The following STIM1 variants were observed in gnomAD, a reference collection of about 807,000 sequenced individuals.
STIM1 encodes stromal interaction molecule 1.
In STIM1, 25 loss-of-function variants were observed where a neutral mutation model predicts 74.7. That is an observed-to-expected ratio of 0.33 (90% CI 0.24 to 0.47). The LOEUF (loss-of-function observed/expected upper bound fraction) is 0.47. Ranked by LOEUF, STIM1 falls within the 20% of genes least tolerant of loss-of-function variation. The pLI, the probability that STIM1 is intolerant of heterozygous loss-of-function variation, is 1.00. For synonymous variants in STIM1, 328 were observed against 348.8 expected (o/e 0.94, Z 0.66); for missense variants, 728 against 920.8 (o/e 0.79, Z 2.71).
In STIM1 at chr11:3,855,831, T is replaced by G; in HGVS notation, c.-440T>G. The stretch of plus-strand genomic sequence containing the variant: ...CTGCGGGTCGCACGCCCTCCCCAGC[T>G]TCTGCTGCTCGCCGCTCTTCGGCAG... On this transcript the variant is annotated 5_prime_UTR_variant, in exon 1 of 13. Coordinates refer to ENST00000526596, the MANE Select transcript of STIM1 (RefSeq NM_001382567.1). 4.9e-6 allele frequency: 1 copy of G among 202,684 alleles called. No individual in the cohort carries two copies. Among genetic ancestry groups the G allele is most frequent in the Non-Finnish European group, 1.0e-5 (1 of 96,376 alleles). The allele number at this position is 202,684 out of a possible 1,614,324, so 12.6% of individuals were successfully genotyped here.
intron 6 of STIM1, among the ~76,000 whole-genome samples, chr11:4,072,107 T>C (rs2094407453): frequency 6.6e-6 from 1 of 152,158 alleles, no homozygotes; most frequent in Non-Finnish European, 1.5e-5. Flanking sequence ...CAGGAGACAT[T>C]CCAAGTTTGG....
At chr11:4,018,705 C>G (rs1016662410) in intron 2 of STIM1, among the ~76,000 whole-genome samples, 1 of 150,728 alleles carries the variant, frequency 6.6e-6, no homozygotes, top group Admixed American at 6.6e-5. Context: ...CCTGTGGCTT[C>G]TTTGAGTTCA....
At chr11:3,887,947 G>C (rs1431124914) in intron 1 of STIM1, 2 of 146,556 alleles carry the variant, frequency 1.4e-5, no homozygotes, top group African/African-American at 5.1e-5. Flanking sequence ...TCCAGCCTGG[G>C]TGACAGAGTG....
intron 3 of STIM1, among the ~76,000 whole-genome samples, chr11:4,050,413 A>T (rs934168838): frequency 2.0e-5 from 3 of 152,186 alleles, no homozygotes; most frequent in Admixed American, 6.5e-5. Flanking sequence ...TGATCCTGTT[A>T]TACTACATTA....
intron 5 of STIM1, among the ~76,000 whole-genome samples, chr11:4,059,883 G>A (rs1822286): frequency 0.038 from 5,727 of 152,190 alleles, 256 homozygotes; most frequent in East Asian, 0.19. Flanking sequence ...GTATGCTCAG[G>A]GATAGAAGTA....
At chr11:3,981,301 A>G (rs2093502886) in intron 2 of STIM1, among the ~76,000 whole-genome samples, 1 of 152,096 alleles carries the variant, frequency 6.6e-6, no homozygotes, top group African/African-American at 2.4e-5. Flanking sequence ...CTTGGCATGA[A>G]CCTTATGTTT....
At chr11:3,931,442 C>T (rs766594468) in intron 1 of STIM1, among the ~76,000 whole-genome samples, 1 of 152,136 alleles carries the variant, frequency 6.6e-6, no homozygotes, top group Non-Finnish European at 1.5e-5. Flanking sequence ...TCCTTGGTAA[C>T]CAGGGTGCTA....
At chr11:3,896,702 A>C (rs2092189601) in intron 1 of STIM1, among the ~76,000 whole-genome samples, 2 of 152,162 alleles carry the variant, frequency 1.3e-5, no homozygotes, top group Non-Finnish European at 2.9e-5. Flanking sequence ...TGGTGGGGGA[A>C]ATTGTCAGAG....
At chr11:3,958,314 C>T (rs2093242435) in intron 1 of STIM1, among the ~76,000 whole-genome samples, 1 of 152,114 alleles carries the variant, frequency 6.6e-6, no homozygotes, top group Non-Finnish European at 1.5e-5. Flanking sequence ...TTGAAACCAG[C>T]CTGGGCAACA....
At chr11:4,020,441 C>G (rs1402071870) in intron 2 of STIM1, among the ~76,000 whole-genome samples, 1 of 152,158 alleles carries the variant, frequency 6.6e-6, no homozygotes, top group East Asian at 1.9e-4. Context: ...TTCCCTTTCT[C>G]TATATCCTTG....
At chr11:3,874,002 T>C (rs373477930) in intron 1 of STIM1, among the ~76,000 whole-genome samples, 3 of 152,194 alleles carry the variant, frequency 2.0e-5, no homozygotes, top group African/African-American at 7.2e-5. Context: ...CTCACTACTT[T>C]CCTTGCACTA....
At position 3,993,619 on chromosome 11, in the gene STIM1, G is replaced by T. The variant is rs558277989; in HGVS notation, c.270+25937G>T. On this transcript the variant is annotated intron_variant, in intron 2 of 12. Transcript: ENST00000526596. The stretch of plus-strand genomic sequence containing the variant: ...TGTGGTGAGCAGAGATTGTGCCACT[G>T]CACTCCAGCCTGGGCGACAGAGGGA... 2.6e-5 allele frequency among the ~76,000 whole-genome samples: 4 copies of T among 152,252 alleles called. No homozygotes were observed. The South Asian group carries it at 8.3e-4, about 32-fold the overall frequency.
At chr11:4,044,742 G>C (rs1352547180) in intron 3 of STIM1, among the ~76,000 whole-genome samples, 1 of 152,216 alleles carries the variant, frequency 6.6e-6, no homozygotes. Context: ...GCTTAGCTAT[G>C]TAGGAGCGAT....
intron 1 of STIM1, among the ~76,000 whole-genome samples, chr11:3,864,579 T>C (rs1437973828): frequency 6.6e-6 from 1 of 152,048 alleles, no homozygotes. Context: ...CAAGAGAGAG[T>C]GCCTAAGATA....
chr11:4,018,468 A>C (rs1244353283), intron 2 of STIM1, among the ~76,000 whole-genome samples: 3 of 146,302 alleles, frequency 2.1e-5, no homozygotes, highest in Non-Finnish European at 3.0e-5. Flanking sequence ...CAAAAAAAAA[A>C]AAAAAAAAAA....
At chr11:3,899,875 T>A (rs2092301274) in intron 1 of STIM1, among the ~76,000 whole-genome samples, 1 of 151,924 alleles carries the variant, frequency 6.6e-6, no homozygotes, top group African/African-American at 2.4e-5. Context: ...GCCCACTTGA[T>A]CATGGTGGAT....
intron 7 of STIM1, 78 bp from the exon 8 acceptor site, chr11:4,082,106 T>G: frequency 4.2e-6 from 6 of 1,439,410 alleles, no homozygotes; most frequent in Non-Finnish European, 5.9e-6. Flanking sequence ...ATAAGAAGTC[T>G]GAGTTCTGAA....
chr11:4,087,330 G>GAGGA (rs1186145959), intron 12 of STIM1, among the ~76,000 whole-genome samples: 3 of 152,214 alleles, frequency 2.0e-5, no homozygotes, highest in African/African-American at 7.2e-5. Context: ...TGGGGGTGTT[G>GAGGA]AGGAAGGAGT....
intron 1 of STIM1, among the ~76,000 whole-genome samples, chr11:3,870,536 G>A (rs959903179): frequency 1.3e-5 from 2 of 151,736 alleles, no homozygotes; most frequent in Non-Finnish European, 1.5e-5. Flanking sequence ...TCATTCTGTC[G>A]CCCACACTGG....
Sources: gnomAD v4.1 joint callset for allele counts (sites outside exome capture counted in the v4.1 genomes callset) on GRCh38, gnomAD v4.1.1 for gene constraint, MANE v1.5 for transcripts, NCBI Gene and HGNC (gene_info 2026-07-23, HGNC 2026-07-21) for gene names.